ITGB2: variants seen among roughly 807,000 people sequenced by gnomAD.
The protein encoded by ITGB2 is integrin beta-2.
In ITGB2, 56 loss-of-function variants were observed where a neutral mutation model predicts 86.8. The observed-to-expected ratio is 0.65, with a 90% CI of 0.52 to 0.81. The LOEUF is 0.81. ITGB2 is among the 30% of genes least tolerant of loss of function. ITGB2 has a pLI of 0.00. For missense variants in ITGB2, 948 were observed against 1,061.2 expected (o/e 0.89, Z 1.48); for synonymous variants, 457 against 450.4 (o/e 1.01, Z -0.19).
chr21:44,896,730 G>C (rs1233964658), intron 8 of ITGB2, among the ~76,000 whole-genome samples: 2 of 152,198 alleles, frequency 1.3e-5, no homozygotes, highest in African/African-American at 2.4e-5. Context: ...CACTCGGAGG[G>C]GGCGTGGCAC....
At chr21:44,928,352 A>C (rs2084402005) in intron 1 of ITGB2, 1 of 152,302 alleles carries the variant, frequency 6.6e-6, no homozygotes, top group Non-Finnish European at 1.5e-5. Flanking sequence ...GATGGACTCC[A>C]GGGGGAAAAC....
chr21:44,925,858 C>CACG (rs1463600962), upstream of ITGB2, among the ~76,000 whole-genome samples: 1 of 152,196 alleles, frequency 6.6e-6, no homozygotes, highest in Non-Finnish European at 1.5e-5. Flanking sequence ...GCGGGTGGAT[C>CACG]ACGAGGTCAG....
intron 5 of ITGB2, among the ~76,000 whole-genome samples, chr21:44,902,282 C>A (rs182451905): frequency 6.6e-6 from 1 of 152,316 alleles, no homozygotes; most frequent in East Asian, 1.9e-4. Context: ...CACATGTGGT[C>A]TTGCACGTGT....
At chr21:44,892,364 A>G (rs1161457154) in intron 10 of ITGB2, among the ~76,000 whole-genome samples, 1 of 145,550 alleles carries the variant, frequency 6.9e-6, no homozygotes, top group East Asian at 2.1e-4. Flanking sequence ...TCACGCCTGT[A>G]ATCCCAGCAC....
Position 44,906,941 on chromosome 21 carries a change from T to C in ITGB2, c.302A>G (p.Gln101Arg), listed in dbSNP as rs763707922. ...TGGTCGCAGGTAAAGCGTCACTTTT[T>C]GTGGGGACAGCTGCTTCTGGCCCCC... ...HNGGQKQLSP[Q>R]KVTLYLRPGQ... The change falls in exon 4 of 16, where the codon CAA becomes CGA. Residue 101 changes from glutamine (Q) to arginine (R), a missense_variant. Gln to Arg is a conservative substitution (Grantham distance 43). Coordinates refer to ENST00000652462, the MANE Select transcript of ITGB2 (RefSeq NM_000211.5). The C allele has an allele frequency of 2.5e-6, 4 of 1,614,132 alleles. No individual in the cohort carries two copies. The highest frequency in any genetic ancestry group is 3.4e-6 in the Non-Finnish European group (4 of 1,180,012).
At chr21:44,926,471 G>A (rs116458573) in intron 1 of ITGB2, among the ~76,000 whole-genome samples, 5,438 of 152,208 alleles carry the variant, frequency 0.036, 306 homozygotes, top group African/African-American at 0.12. Flanking sequence ...AATGGCGACC[G>A]CAGAAGGAAA....
chr21:44,906,574 C>T (rs1053862130), intron 4 of ITGB2, among the ~76,000 whole-genome samples: 4 of 152,138 alleles, frequency 2.6e-5, no homozygotes, highest in Admixed American at 1.3e-4. Context: ...CTTTACTCTT[C>T]TAAGAGTACC....
At chr21:44,894,940 G>T in intron 9 of ITGB2, 31 bp downstream of exon 9, 1 of 1,462,992 alleles carries the variant, frequency 6.8e-7, no homozygotes, top group Non-Finnish European at 9.6e-7. Context: ...GCCACCCCAT[G>T]GGTCCCAGCT....
chr21:44,907,733 C>T (rs2084064640), intron 3 of ITGB2, among the ~76,000 whole-genome samples: 1 of 152,174 alleles, frequency 6.6e-6, no homozygotes, highest in South Asian at 2.1e-4. Context: ...GCCAGAAGCG[C>T]GTGTTTGTGC....
At chr21:44,898,249 G>A (rs2083897025) in intron 8 of ITGB2, among the ~76,000 whole-genome samples, 2 of 152,168 alleles carry the variant, frequency 1.3e-5, no homozygotes, top group Admixed American at 6.5e-5. Context: ...CATGTTCTGT[G>A]CATGAGGCCA....
rs769558209 is a variant in ITGB2, at chr21:44,888,685, G to A, written c.2080+8C>T. The A allele has an allele frequency of 6.2e-6, 10 of 1,606,026 alleles. No individual in the cohort carries two copies. The highest frequency in any genetic ancestry group is 2.7e-5 in the African/African-American group (2 of 74,932). ...GAGCCGGTCCCCGCTGCACCCCAGC[G>A]GCCTCACCTCGGCTCTCATCCACAT... On this transcript the variant is annotated splice_region_variant and intron_variant, in intron 14 of 15. Coordinates refer to ENST00000652462, the MANE Select transcript of ITGB2 (RefSeq NM_000211.5).
intron 8 of ITGB2, among the ~76,000 whole-genome samples, chr21:44,896,350 T>C (rs1404479290): frequency 1.3e-5 from 2 of 152,248 alleles, no homozygotes; most frequent in African/African-American, 4.8e-5. Context: ...TGAGTTTCCA[T>C]GGGTGTTAAA....
In ITGB2 at chr21:44,917,738, C is replaced by T. The variant is rs549595442; in HGVS notation, c.-4+3083G>A. 2.0e-4 allele frequency among the ~76,000 whole-genome samples: 30 copies of T among 152,330 alleles called. 1 individual carries two copies. Among genetic ancestry groups the T allele is most frequent in the African/African-American group, 6.5e-4 (27 of 41,574 alleles). On this transcript the variant is annotated intron_variant, in intron 1 of 15. Coordinates refer to ENST00000652462, the MANE Select transcript of ITGB2 (RefSeq NM_000211.5). Reference sequence around the variant, plus strand: ...GCACCTCTTTTCCCCAACACCTACCCCAAGTTTCCATCACACACAGAAACC... The same window carrying T: ...GCACCTCTTTTCCCCAACACCTACCTCAAGTTTCCATCACACACAGAAACC...
In ITGB2 at chr21:44,886,076, C is replaced by A; in HGVS notation, c.*292G>T. 1 of 514,384 alleles carries A rather than the reference C, an allele frequency of 1.9e-6. No individual in the cohort carries two copies. Among genetic ancestry groups the A allele is most frequent in the Non-Finnish European group, 3.5e-6 (1 of 283,336 alleles). The allele number at this position is 514,384 out of a possible 1,614,324, so 31.9% of individuals were successfully genotyped here. A position where few individuals can be genotyped will look rare whatever the true frequency, so the allele number is the denominator to read the frequency against. On this transcript the variant is annotated 3_prime_UTR_variant, in exon 16 of 16. Transcript: ENST00000652462. Reference sequence around the variant, plus strand: ...TTAAATGTAAATAAATTGGCACCACCTTTAATCAGACTGATGTCCTGACTT... The same window carrying A: ...TTAAATGTAAATAAATTGGCACCACATTTAATCAGACTGATGTCCTGACTT...
intron 11 of ITGB2, among the ~76,000 whole-genome samples, chr21:44,890,692 G>A (rs2146501704): frequency 6.6e-6 from 1 of 152,308 alleles, no homozygotes; most frequent in Middle Eastern, 3.4e-3. Context: ...TACAGATGTG[G>A]AAGCTGGCAT....
intron 13 of ITGB2, 40 bp from the exon 14 acceptor site, chr21:44,888,935 C>G (rs764209387): frequency 2.0e-5 from 30 of 1,535,780 alleles, no homozygotes; most frequent in Non-Finnish European, 2.3e-5. Flanking sequence ...CCAGGGTGTG[C>G]GGGGGCTCCG....
At chr21:44,926,028 C>T (rs1044614462) in intron 1 of ITGB2, among the ~76,000 whole-genome samples, 1 of 152,178 alleles carries the variant, frequency 6.6e-6, no homozygotes, top group African/African-American at 2.4e-5. Context: ...TGGTGTGAAC[C>T]TGGGAGGCGG....
chr21:44,902,371 G>A (rs1426444630), intron 5 of ITGB2, among the ~76,000 whole-genome samples: 2 of 152,214 alleles, frequency 1.3e-5, no homozygotes, highest in South Asian at 2.1e-4. Context: ...TTGTGTGTGA[G>A]CGTGCATTCA....
intron 6 of ITGB2, among the ~76,000 whole-genome samples, chr21:44,900,747 C>T (rs894828515): frequency 1.3e-5 from 2 of 152,216 alleles, no homozygotes; most frequent in African/African-American, 4.8e-5. Flanking sequence ...GGTCCCTGCA[C>T]TTCAGAGCTG....
Sources: allele counts gnomAD v4.1 joint callset (sites outside exome capture counted in the v4.1 genomes callset), GRCh38; gene constraint gnomAD v4.1.1; transcripts MANE v1.5; gene names NCBI Gene and HGNC (gene_info 2026-07-23, HGNC 2026-07-21).